Variants in TBC1D1 observed in about 807,000 individuals in gnomAD.
TBC1D1 encodes TBC1 domain family member 1, also known as TBC1 (tre-2/USP6, BUB2, cdc16) domain family, member 1.
TBC1D1 carries 89 observed loss-of-function variants against 125.6 expected under a neutral mutation model. The ratio of observed to expected loss-of-function variants is 0.71; its 90% CI spans 0.60 to 0.85. TBC1D1 has a LOEUF of 0.85. Among genes scored for constraint, TBC1D1 ranks in the 40% least tolerant of loss-of-function variants. The pLI, the probability that TBC1D1 is intolerant of heterozygous loss-of-function variation, is 0.00. For missense variants in TBC1D1, 1,377 were observed against 1,469.2 expected (o/e 0.94, Z 1.03); for synonymous variants, 565 against 564.1 (o/e 1.00, Z -0.02).
chr4:37,913,621 A>ATATG (rs1553896161), intron 2 of TBC1D1, among the ~76,000 whole-genome samples: 1 of 150,146 alleles, frequency 6.7e-6, no homozygotes, highest in Non-Finnish European at 1.5e-5. Context: ...ATATATATAT[A>ATATG]TGTGTGTATA....
At chr4:38,009,206 T>C (rs1740960280) in intron 2 of TBC1D1, among the ~76,000 whole-genome samples, 1 of 152,236 alleles carries the variant, frequency 6.6e-6, no homozygotes, top group South Asian at 2.1e-4. Context: ...CTGTTCCTTC[T>C]GGACAATGAT....
At chr4:37,901,153 CTGTTTTT>C (rs1284910576) in intron 1 of TBC1D1, among the ~76,000 whole-genome samples, 6 of 151,056 alleles carry the variant, frequency 4.0e-5, no homozygotes, top group Non-Finnish European at 7.4e-5. Flanking sequence ...GAAGCGTTTT[CTGTTTTT>C]TGTTTGTTTG....
intron 2 of TBC1D1, among the ~76,000 whole-genome samples, chr4:38,007,687 C>T (rs1361563217): frequency 1.3e-5 from 2 of 152,206 alleles, no homozygotes; most frequent in African/African-American, 4.8e-5. Context: ...GCTTTATTCC[C>T]TCTGTCTAGA....
chr4:37,939,170 C>A (rs1311139670), intron 2 of TBC1D1, among the ~76,000 whole-genome samples: 1 of 150,840 alleles, frequency 6.6e-6, no homozygotes, highest in Non-Finnish European at 1.5e-5. Flanking sequence ...TATTTCTCCA[C>A]ATCCTCTCCA....
At chr4:37,994,290 G>C (rs1737282924) in intron 2 of TBC1D1, among the ~76,000 whole-genome samples, 1 of 152,158 alleles carries the variant, frequency 6.6e-6, no homozygotes, top group South Asian at 2.1e-4. Context: ...TTCTTACTTT[G>C]TTTTTTTGTT....
chr4:38,007,602 T>G (rs1332603479), intron 2 of TBC1D1, among the ~76,000 whole-genome samples: 4 of 152,240 alleles, frequency 2.6e-5, no homozygotes. Flanking sequence ...ACTGAGATTT[T>G]GCATTTCTCT....
intron 10 of TBC1D1, among the ~76,000 whole-genome samples, chr4:38,047,192 G>C (rs1451484843): frequency 2.0e-5 from 3 of 152,122 alleles, no homozygotes; most frequent in African/African-American, 7.2e-5. Context: ...ATGATAGAGG[G>C]AGCAGTTTGA....
intron 2 of TBC1D1, among the ~76,000 whole-genome samples, chr4:37,971,938 C>T (rs937854699): frequency 1.3e-5 from 2 of 152,170 alleles, no homozygotes; most frequent in African/African-American, 4.8e-5. Context: ...TCCTCTCACA[C>T]CTTGCCCTCT....
At chr4:38,087,529 T>C (rs910880680) in intron 12 of TBC1D1, among the ~76,000 whole-genome samples, 2 of 152,014 alleles carry the variant, frequency 1.3e-5, no homozygotes, top group Non-Finnish European at 2.9e-5. Context: ...GAGCCCTTGT[T>C]TTACTAGTAG....
In TBC1D1 at chr4:38,103,661, TAAG is replaced by T. The variant is rs1254371838; in HGVS notation, c.2557+509_2557+511del. Among the ~76,000 whole-genome samples the T allele has an allele frequency of 7.2e-5, 11 of 152,264 alleles. 1 individual carries two copies. In the South Asian group the frequency reaches 1.0e-3, roughly 14 times the overall value. The stretch of plus-strand genomic sequence containing the variant: ...CTTGTCTCTTGAATAGTTTTTAAAA[TAAG>T]AAGATGGGAACAATATACAGTCAGC... On this transcript the variant is annotated intron_variant, in intron 15 of 19. Transcript: ENST00000261439.
chr4:37,986,687 C>T (rs1735538031), intron 2 of TBC1D1, among the ~76,000 whole-genome samples: 2 of 152,164 alleles, frequency 1.3e-5, no homozygotes, highest in African/African-American at 4.8e-5. Context: ...CTCAAGTGAT[C>T]TGCCTGCCTC....
At chr4:38,076,650 A>C (rs546565227) in intron 12 of TBC1D1, among the ~76,000 whole-genome samples, 6 of 152,168 alleles carry the variant, frequency 3.9e-5, no homozygotes, top group African/African-American at 1.4e-4. Flanking sequence ...CCAAAAATAG[A>C]CCAGAGAGAA....
chr4:38,065,100 T>A (rs1015983404), intron 12 of TBC1D1, among the ~76,000 whole-genome samples: 5 of 152,070 alleles, frequency 3.3e-5, no homozygotes, highest in African/African-American at 7.3e-5. Flanking sequence ...CTGGCTAATT[T>A]TTTTATTTTT....
chr4:38,000,959 G>A (rs1374023303), intron 2 of TBC1D1, among the ~76,000 whole-genome samples: 3 of 152,104 alleles, frequency 2.0e-5, no homozygotes, highest in Non-Finnish European at 4.4e-5. Context: ...GGTGGCTCAC[G>A]CCTGTAATCC....
At chr4:38,085,911 G>A (rs1249660901) in intron 12 of TBC1D1, among the ~76,000 whole-genome samples, 3 of 152,130 alleles carry the variant, frequency 2.0e-5, no homozygotes, top group East Asian at 1.9e-4. Flanking sequence ...CACTCCACTC[G>A]AGTCCACATC....
At chr4:38,105,719 T>G (rs913648111) in intron 15 of TBC1D1, among the ~76,000 whole-genome samples, 1 of 152,176 alleles carries the variant, frequency 6.6e-6, no homozygotes, top group African/African-American at 2.4e-5. Flanking sequence ...ATTAGTTTGC[T>G]TAGGGTAATG....
At chr4:37,923,261 A>T (rs2152276367) in intron 2 of TBC1D1, among the ~76,000 whole-genome samples, 1 of 152,264 alleles carries the variant, frequency 6.6e-6, no homozygotes, top group East Asian at 1.9e-4. Context: ...AGCTTCATCC[A>T]GGTCCCTGCA....
At chr4:37,954,636 T>A (rs566914645) in intron 2 of TBC1D1, among the ~76,000 whole-genome samples, 1 of 152,218 alleles carries the variant, frequency 6.6e-6, no homozygotes, top group East Asian at 1.9e-4. Context: ...TTGAGGTGAT[T>A]CAAGTTAGAG....
intron 12 of TBC1D1, among the ~76,000 whole-genome samples, chr4:38,062,485 C>T (rs1752941612): frequency 6.6e-6 from 1 of 152,098 alleles, no homozygotes; most frequent in South Asian, 2.1e-4. Context: ...AATTTACTTT[C>T]TGTATAACTT....
Sources: gnomAD v4.1 joint callset for allele counts (sites outside exome capture counted in the v4.1 genomes callset) on GRCh38, gnomAD v4.1.1 for gene constraint, MANE v1.5 for transcripts, NCBI Gene and HGNC (gene_info 2026-07-23, HGNC 2026-07-21) for gene names.